SLC3A1: variants seen among roughly 807,000 people sequenced by gnomAD.
SLC3A1 encodes the protein amino acid transporter heavy chain SLC3A1.
Under a neutral mutation model 60.3 loss-of-function variants are expected in SLC3A1, and 78 were observed. That is an observed-to-expected ratio of 1.29 (90% confidence interval 1.08 to 1.56). The LOEUF is 1.56. Among genes scored for constraint, SLC3A1 ranks in the 40% most tolerant of loss-of-function variants. The probability of loss-of-function intolerance (pLI) is 0.00; values close to 1 mark genes in which losing one functional copy is unlikely to be tolerated. For synonymous variants in SLC3A1, 392 were observed against 307.9 expected, an observed-to-expected ratio of 1.27 and a Z score of -2.86; for missense variants, 1,172 against 858.9, an observed-to-expected ratio of 1.36 and a Z score of -4.56.
At chr2:44,299,890 T>C (rs2104362280) in intron 4 of SLC3A1, 81 bp from the exon 5 acceptor site, 1 of 1,414,730 alleles carries the variant, frequency 7.1e-7, no homozygotes, top group South Asian at 1.2e-5. Flanking sequence ...GATGCCAAGT[T>C]GTTAACAGTC....
intron 4 of SLC3A1, among the ~76,000 whole-genome samples, chr2:44,288,032 CTTT>C (rs1299425136): frequency 7.0e-6 from 1 of 143,716 alleles, no homozygotes; most frequent in African/African-American, 2.5e-5. Flanking sequence ...AATTTCTGAA[CTTT>C]TTTTTTTTTT....
At position 44,304,236 on chromosome 2, in the gene SLC3A1, C is replaced by A. The variant is rs1672093819; in HGVS notation, c.1230C>A (p.Asn410Lys). Residue 410 changes from asparagine to lysine, a missense_variant, in exon 7 of 10, where the codon AAC (asparagine) becomes AAA (lysine). Physicochemically the swap from Asn to Lys is moderately conservative, Grantham distance 94. Coordinates refer to ENST00000260649, the MANE Select transcript of SLC3A1 (RefSeq NM_000341.4). Reference sequence around the variant, plus strand: ...TCCAAGAAGCTGATTTTCCCTTCAACAATTACCTCAGCATGCTAGACACTG... The same window carrying A: ...TCCAAGAAGCTGATTTTCCCTTCAAAAATTACCTCAGCATGCTAGACACTG... ...PFIQEADFPFNNYLSMLDTVS... is the reference protein window; with the variant it reads ...PFIQEADFPFKNYLSMLDTVS... 1.9e-6 allele frequency: 3 copies of A among 1,614,022 alleles called. No individual in the cohort carries two copies. The highest frequency in any genetic ancestry group is 2.5e-6 in the Non-Finnish European group (3 of 1,179,880).
intron 7 of SLC3A1, among the ~76,000 whole-genome samples, chr2:44,312,169 G>A (rs1464902341): frequency 5.9e-5 from 9 of 152,054 alleles, no homozygotes; most frequent in Admixed American, 5.9e-4. Flanking sequence ...TAAAAATTTT[G>A]TCTGAATAAT....
intron 6 of SLC3A1, among the ~76,000 whole-genome samples, chr2:44,302,243 A>T (rs1672031020): frequency 1.3e-5 from 2 of 152,330 alleles, no homozygotes; most frequent in Middle Eastern, 3.4e-3. Context: ...CCAGTTAATT[A>T]ACATAAGTCT....
intron 1 of SLC3A1, among the ~76,000 whole-genome samples, chr2:44,277,465 C>G (rs1319180470): frequency 6.6e-6 from 1 of 152,140 alleles, no homozygotes; most frequent in Non-Finnish European, 1.5e-5. Context: ...AAGAGTGTAT[C>G]TGTCCTTCAT....
chr2:44,280,158 T>C, intron 1 of SLC3A1, among the ~76,000 whole-genome samples: 1 of 152,166 alleles, frequency 6.6e-6, no homozygotes, highest in East Asian at 1.9e-4. Flanking sequence ...GTTTTAAATA[T>C]AAAATATGAG....
intron 3 of SLC3A1, among the ~76,000 whole-genome samples, chr2:44,284,647 C>T (rs181380611): frequency 8.5e-5 from 13 of 152,242 alleles, no homozygotes; most frequent in African/African-American, 3.1e-4. Flanking sequence ...ACTGCAGTCT[C>T]GAGCTCCTAG....
At chr2:44,288,836 A>C (rs977353359) in intron 4 of SLC3A1, among the ~76,000 whole-genome samples, 2 of 151,762 alleles carry the variant, frequency 1.3e-5, no homozygotes, top group African/African-American at 4.8e-5. Context: ...TTTCATTTTT[A>C]TTTATTTATT....
chr2:44,322,124 T>C (rs1673027342), downstream of SLC3A1, among the ~76,000 whole-genome samples: 1 of 152,118 alleles, frequency 6.6e-6, no homozygotes, highest in Admixed American at 6.6e-5. Context: ...AAAGACTATA[T>C]GGTGCCACAC....
intron 4 of SLC3A1, among the ~76,000 whole-genome samples, chr2:44,288,542 T>C (rs1248511914): frequency 6.6e-6 from 1 of 152,224 alleles, no homozygotes; most frequent in Non-Finnish European, 1.5e-5. Flanking sequence ...GGTAGGTGTC[T>C]GTATCTGTGT....
At position 44,303,551 on chromosome 2, in the gene SLC3A1, A is replaced by AT. The variant is rs997665920; in HGVS notation, c.1137-584dup. Among the ~76,000 whole-genome samples the AT allele has an allele frequency of 1.5e-4, 8 of 53,244 alleles. 1 individual carries two copies. Among genetic ancestry groups the AT allele is most frequent in the Admixed American group, 4.3e-4 (3 of 7,018 alleles). The allele number at this position is 53,244 out of a possible 152,430, so 34.9% of individuals were successfully genotyped here. ...TGCACCTGGCACCCAAATGTGTTTCATTTTTTTTGGGGGGGGTGGATTTTT... is the reference window on the plus strand; with the variant it reads ...TGCACCTGGCACCCAAATGTGTTTCATTTTTTTTTGGGGGGGGTGGATTTTT... On this transcript the variant is annotated intron_variant, in intron 6 of 9. Coordinates refer to ENST00000260649, the MANE Select transcript of SLC3A1 (RefSeq NM_000341.4).
chr2:44,315,468 G>A (rs375855698), intron 9 of SLC3A1, among the ~76,000 whole-genome samples: 1 of 147,554 alleles, frequency 6.8e-6, no homozygotes, highest in Admixed American at 6.9e-5. Flanking sequence ...AGGCAATATA[G>A]TGAGACCTTG....
intron 4 of SLC3A1, among the ~76,000 whole-genome samples, chr2:44,294,927 A>G (rs1185618503): frequency 6.6e-6 from 1 of 152,082 alleles, no homozygotes; most frequent in Non-Finnish European, 1.5e-5. Context: ...TTTTCTTAAT[A>G]GAGACAGGGT....
At chr2:44,322,169 C>T (rs1468475566), downstream of SLC3A1, among the ~76,000 whole-genome samples, 1 of 152,094 alleles carries the variant, frequency 6.6e-6, no homozygotes, top group Non-Finnish European at 1.5e-5. Flanking sequence ...CATCAACCTG[C>T]CCTGTGGAAT....
chr2:44,315,373 G>A (rs1010659338), intron 9 of SLC3A1: 3 of 151,922 alleles, frequency 2.0e-5, no homozygotes, highest in African/African-American at 7.3e-5. Context: ...TTAGGGCTGG[G>A]CACCATGGCT....
chr2:44,286,779 G>GGTGCCTGTGACGGTGAGCTGTGCA (rs1671625189), intron 4 of SLC3A1, among the ~76,000 whole-genome samples: 1 of 147,004 alleles, frequency 6.8e-6, no homozygotes, highest in Non-Finnish European at 1.5e-5. Context: ...TGAGCTGTGC[G>GGTGCCTGTGACGGTGAGCTGTGCA]GTGCCTGTGA....
chr2:44,295,642 T>C (rs573513279), intron 4 of SLC3A1, among the ~76,000 whole-genome samples: 1 of 152,360 alleles, frequency 6.6e-6, no homozygotes, highest in South Asian at 2.1e-4. Flanking sequence ...TTTCTGATTA[T>C]GCTAGGGCCA....
chr2:44,310,319 T>C (rs578104157), intron 7 of SLC3A1, among the ~76,000 whole-genome samples: 15 of 152,338 alleles, frequency 9.8e-5, no homozygotes, highest in Non-Finnish European at 2.1e-4. Flanking sequence ...CACCAACACT[T>C]TTCTGTCTTG....
At chr2:44,298,269 A>T (rs926194806) in intron 4 of SLC3A1, among the ~76,000 whole-genome samples, 7 of 152,174 alleles carry the variant, frequency 4.6e-5, no homozygotes, top group Admixed American at 6.5e-5. Context: ...CAAAAATCCC[A>T]GATCTTTCCT....
Sources: gnomAD v4.1 joint callset for allele counts (sites outside exome capture counted in the v4.1 genomes callset) on GRCh38, gnomAD v4.1.1 for gene constraint, MANE v1.5 for transcripts, NCBI Gene and HGNC (gene_info 2026-07-23, HGNC 2026-07-21) for gene names.